CRLS1: variants seen among roughly 807,000 people sequenced by gnomAD.
CRLS1 encodes the protein cardiolipin synthase (CMP-forming).
Under a neutral mutation model 37.0 loss-of-function variants are expected in CRLS1, and 24 were observed. That is an observed-to-expected ratio of 0.65 (90% CI 0.47 to 0.91). The LOEUF (loss-of-function observed/expected upper bound fraction) is 0.91, where lower values mean the gene tolerates loss of function less well. Ranked by LOEUF, CRLS1 falls within the 40% of genes least tolerant of loss-of-function variation. The probability of loss-of-function intolerance (pLI) is 0.00; values close to 1 mark genes in which losing one functional copy is unlikely to be tolerated. For synonymous variants in CRLS1, 135 were observed against 159.7 expected, an observed-to-expected ratio of 0.85 and a Z score of 1.17; for missense variants, 373 against 395.8, an observed-to-expected ratio of 0.94 and a Z score of 0.49.
At chr20:6,021,160 G>A (rs568600228) in intron 3 of CRLS1, among the ~76,000 whole-genome samples, 1 of 150,820 alleles carries the variant, frequency 6.6e-6, no homozygotes, top group South Asian at 2.1e-4. Context: ...TCTGCCACCT[G>A]GGTCCAAGTG....
At chr20:6,027,002 C>T (rs1280774137) in intron 3 of CRLS1, among the ~76,000 whole-genome samples, 2 of 151,706 alleles carry the variant, frequency 1.3e-5, no homozygotes, top group East Asian at 1.9e-4. Context: ...GCTATTGTAG[C>T]GTGAAAGCAG....
chr20:6,036,942 C>T (rs754962306), intron 6 of CRLS1, 132 bp from the exon 7 acceptor site: 1 of 586,638 alleles, frequency 1.7e-6, no homozygotes, highest in South Asian at 2.5e-5. Flanking sequence ...AGAAAAATTA[C>T]ACCACAGAGC....
intron 3 of CRLS1, among the ~76,000 whole-genome samples, chr20:6,024,098 G>A (rs969509444): frequency 1.3e-5 from 2 of 151,940 alleles, no homozygotes; most frequent in Non-Finnish European, 2.9e-5. Context: ...GACTACAGAG[G>A]TACACCACCA....
intron 3 of CRLS1, chr20:6,015,790 A>G (rs1978699975): frequency 3.3e-6 from 1 of 301,040 alleles, no homozygotes; most frequent in Non-Finnish European, 6.5e-6. Flanking sequence ...GTGATACATT[A>G]TGTATTTTTA....
At chr20:6,018,039 G>A (rs137958826) in intron 3 of CRLS1, among the ~76,000 whole-genome samples, 2,786 of 151,764 alleles carry the variant, frequency 0.018, 82 homozygotes, top group African/African-American at 0.063. Flanking sequence ...CCAACATGGC[G>A]AAACCCTGTC....
rs367739543 is a variant in CRLS1 at position 6,034,522 on chromosome 20, A to G, written c.788A>G (p.Asn263Ser). 18 of 1,612,750 alleles carry G rather than the reference A, an allele frequency of 1.1e-5. No individual in the cohort carries two copies. The highest frequency in any genetic ancestry group is 1.4e-5 in the Non-Finnish European group (16 of 1,179,574). Reference sequence around the variant, plus strand: ...GCTTCTTTGGCAGCTCCAGTTTTCAACTATGCTGACAGCATTTATCTTCAG... The same window carrying G: ...GCTTCTTTGGCAGCTCCAGTTTTCAGCTATGCTGACAGCATTTATCTTCAG... ...VAASLAAPVFNYADSIYLQIL... is the reference protein window; with the variant it reads ...VAASLAAPVFSYADSIYLQIL... The change falls in exon 6 of 7, where the codon AAC becomes AGC. Residue 263 changes from asparagine (N) to serine (S), a missense_variant. Asn to Ser is a conservative substitution (Grantham distance 46, BLOSUM62 1). Transcript: ENST00000378863.
chr20:6,009,727 T>A lies in CRLS1; in HGVS notation c.307-48T>A, dbSNP rs572652069. On this transcript the variant is annotated intron_variant, in intron 1 of 6. Coordinates refer to ENST00000378863, the MANE Select transcript of CRLS1 (RefSeq NM_019095.6). ...AATGTATGTATATAGTTATTCAAAG[T>A]ATGAATTCATAGTATTTTACTTAAA... 4 of 1,523,864 alleles carry A rather than the reference T, an allele frequency of 2.6e-6. No individual in the cohort carries two copies. In the African/African-American group the frequency reaches 5.5e-5, roughly 21 times the overall value. 94.4% of individuals were successfully genotyped at this position (1,523,864 alleles called of 1,614,324 possible). A position where few individuals can be genotyped will look rare whatever the true frequency, so the allele number is the denominator to read the frequency against.
chr20:6,009,719 A>T, intron 1 of CRLS1, 56 bp from the exon 2 acceptor site: 1 of 1,465,516 alleles, frequency 6.8e-7, no homozygotes, highest in African/African-American at 1.4e-5. Flanking sequence ...GTATATAGTT[A>T]TTCAAAGTAT....
chr20:6,032,912 G>A (rs960469278), intron 5 of CRLS1, among the ~76,000 whole-genome samples: 2 of 151,784 alleles, frequency 1.3e-5, no homozygotes, highest in African/African-American at 4.8e-5. Context: ...AGGGTTTGGG[G>A]TTTTTTTGTT....
chr20:6,019,259 A>C (rs925035293), intron 3 of CRLS1, among the ~76,000 whole-genome samples: 3 of 140,418 alleles, frequency 2.1e-5, no homozygotes, highest in Admixed American at 7.2e-5. Context: ...CAACCAACTC[A>C]CTCCATATTA....
intron 6 of CRLS1, 112 bp from the exon 7 acceptor site, chr20:6,036,962 T>A (rs1980597727): frequency 2.7e-6 from 2 of 745,544 alleles, no homozygotes. Flanking sequence ...CCCTTTTTAC[T>A]TTTTAAATTC....
At chr20:6,020,446 T>C (rs1979160470) in intron 3 of CRLS1, among the ~76,000 whole-genome samples, 1 of 152,340 alleles carries the variant, frequency 6.6e-6, no homozygotes, top group South Asian at 2.1e-4. Flanking sequence ...TTTGTTACAA[T>C]TTCAGTCATA....
chr20:6,015,568 CA>C, intron 3 of CRLS1, 78 bp downstream of exon 3: 1 of 1,404,902 alleles, frequency 7.1e-7, no homozygotes. Flanking sequence ...TCTTGAGAGA[CA>C]AATAATTTTT....
intron 3 of CRLS1, among the ~76,000 whole-genome samples, chr20:6,029,133 C>G (rs1320223897): frequency 8.5e-6 from 1 of 117,572 alleles, no homozygotes; most frequent in Non-Finnish European, 1.8e-5. Flanking sequence ...TTTGGGGAAC[C>G]CTTGATTTTT....
chr20:6,011,874 C>A (rs1978342622), intron 2 of CRLS1, among the ~76,000 whole-genome samples: 1 of 151,840 alleles, frequency 6.6e-6, no homozygotes, highest in South Asian at 2.1e-4. Flanking sequence ...TGTGAGCCAC[C>A]ACACCTGGCC....
chr20:6,036,911 G>GTATT (rs1289640325), intron 6 of CRLS1, among the ~76,000 whole-genome samples, 163 bp from the exon 7 acceptor site: 1 of 152,142 alleles, frequency 6.6e-6, no homozygotes, highest in Non-Finnish European at 1.5e-5. Context: ...GAAAAGCAGT[G>GTATT]TATTTAGACT....
chr20:6,009,272 G>A (rs1238636163), intron 1 of CRLS1, among the ~76,000 whole-genome samples: 2 of 150,702 alleles, frequency 1.3e-5, no homozygotes, highest in Non-Finnish European at 2.9e-5. Flanking sequence ...GCAGTGAGCC[G>A]AGATTGTGCC....
intron 2 of CRLS1, among the ~76,000 whole-genome samples, chr20:6,011,437 T>C (rs575180045): frequency 3.3e-5 from 5 of 152,128 alleles, no homozygotes; most frequent in Non-Finnish European, 5.9e-5. Context: ...CATTGTTACA[T>C]GGCATTTCCA....
At chr20:6,033,591 T>A (rs1253844101) in intron 5 of CRLS1, among the ~76,000 whole-genome samples, 2 of 152,180 alleles carry the variant, frequency 1.3e-5, no homozygotes, top group Non-Finnish European at 2.9e-5. Flanking sequence ...CCAGTGTATT[T>A]CTTGTTCTAT....
Sources: gnomAD v4.1 joint callset for allele counts (sites outside exome capture counted in the v4.1 genomes callset) on GRCh38, gnomAD v4.1.1 for gene constraint, MANE v1.5 for transcripts, NCBI Gene and HGNC (gene_info 2026-07-23, HGNC 2026-07-21) for gene names.